Variants in COL6A6 observed in about 807,000 individuals in gnomAD.
COL6A6 encodes the protein collagen type VI alpha 6 chain.
COL6A6 carries 183 observed loss-of-function variants against 208.6 expected under a neutral mutation model. That is an observed-to-expected ratio of 0.88 (90% CI 0.78 to 0.99). COL6A6 has a LOEUF of 0.99. Among genes scored for constraint, COL6A6 ranks in the 50% least tolerant of loss-of-function variants. The pLI is 0.00. For missense variants in COL6A6, 2,816 were observed against 2,815.2 expected, an observed-to-expected ratio of 1.00 and a Z score of -0.01; for synonymous variants, 973 against 1,011.8, an observed-to-expected ratio of 0.96 and a Z score of 0.73.
intron 3 of COL6A6, among the ~76,000 whole-genome samples, chr3:130,563,959 G>A (rs2062956763): frequency 6.6e-6 from 1 of 152,072 alleles, no homozygotes; most frequent in Non-Finnish European, 1.5e-5. Flanking sequence ...TATTTCCCTG[G>A]GCTTTAGTTG....
At position 130,581,541 on chromosome 3, in the gene COL6A6, G is replaced by A. The variant is rs769514387; in HGVS notation, c.3548-20G>A. 9 of 1,548,566 alleles carry A rather than the reference G, an allele frequency of 5.8e-6. No individual in the cohort carries two copies. In the South Asian group the frequency reaches 9.8e-5, roughly 17 times the overall value. ...GGCGTTTGTTGATTTATTAAGACAT[G>A]CTTTTCCTTTGAATCCTAGACTGTT... On this transcript the variant is annotated intron_variant, in intron 8 of 36. Coordinates refer to ENST00000358511, the MANE Select transcript of COL6A6 (RefSeq NM_001102608.3).
intron 13 of COL6A6, among the ~76,000 whole-genome samples, chr3:130,592,132 G>A (rs1027635137): frequency 6.6e-6 from 1 of 152,126 alleles, no homozygotes; most frequent in East Asian, 1.9e-4. Context: ...AAGCACAGGG[G>A]TCAAAATTAT....
intron 2 of COL6A6, among the ~76,000 whole-genome samples, chr3:130,561,241 AGTCACTGGTG>A (rs1205806772): frequency 2.0e-5 from 3 of 152,242 alleles, no homozygotes; most frequent in Admixed American, 6.5e-5. Flanking sequence ...ATGAATAGAA[AGTCACTGGTG>A]GTCACAAATC....
intron 10 of COL6A6, among the ~76,000 whole-genome samples, chr3:130,584,277 T>G (rs963179262): frequency 6.6e-6 from 1 of 152,208 alleles, no homozygotes; most frequent in Admixed American, 6.5e-5. Flanking sequence ...CTGGTTCTTA[T>G]GACTCTTAAA....
intron 18 of COL6A6, 169 bp downstream of exon 18, chr3:130,594,512 G>C: frequency 3.6e-6 from 2 of 553,310 alleles, no homozygotes; most frequent in Non-Finnish European, 3.2e-6. Context: ...TTCATATACT[G>C]AATGAGTATG....
chr3:130,582,188 C>T (rs1044504629), intron 10 of COL6A6, 120 bp downstream of exon 10: 32 of 654,192 alleles, frequency 4.9e-5, no homozygotes, highest in South Asian at 3.2e-4. Context: ...TGACAATCTC[C>T]GTATTCTGTA....
In COL6A6 at chr3:130,665,994, G is replaced by A. The variant is rs547549302; in HGVS notation, c.6596+898G>A. On this transcript the variant is annotated intron_variant, in intron 36 of 36. Coordinates refer to ENST00000358511, the MANE Select transcript of COL6A6 (RefSeq NM_001102608.3). ...GGTGCACAACGTCACCTAAATGAGCGTCTTGGTGGACCTCAGATAGGATGT... is the reference window on the plus strand; with the variant it reads ...GGTGCACAACGTCACCTAAATGAGCATCTTGGTGGACCTCAGATAGGATGT... 9.2e-5 allele frequency among the ~76,000 whole-genome samples: 14 copies of A among 152,282 alleles called. No individual in the cohort carries two copies. In the South Asian group the frequency reaches 2.1e-3, roughly 23 times the overall value.
intron 11 of COL6A6, among the ~76,000 whole-genome samples, chr3:130,587,427 A>G (rs1228953380): frequency 1.3e-5 from 2 of 152,182 alleles, no homozygotes; most frequent in Non-Finnish European, 2.9e-5. Context: ...ATGCCCGGCT[A>G]ATTTTTGTAT....
chr3:130,607,004 A>G (rs190805673), intron 21 of COL6A6, 38 bp downstream of exon 21: 13 of 1,505,346 alleles, frequency 8.6e-6, no homozygotes, highest in African/African-American at 6.9e-5. Flanking sequence ...AATAACAAAT[A>G]CTGCATCCAA....
Position 130,563,564 on chromosome 3 carries a change from G to A in COL6A6, c.561G>A (p.Arg187=). 2 of 1,613,954 alleles carry A rather than the reference G, an allele frequency of 1.2e-6. No homozygotes were observed. Among genetic ancestry groups the A allele is most frequent in the African/African-American group, 1.3e-5 (1 of 75,008 alleles). The change falls in exon 3 of 37, where the codon CGG becomes CGA. Residue 187 remains arginine, a synonymous_variant. Transcript: ENST00000358511. ...MATSQFHFNL[R]TVRDLSMFSQ... is the part of the protein sequence containing the mutation. ...CGTCTCAGTTTCATTTCAACCTTCG[G>A]ACAGTCAGAGACCTCAGCATGTTTT...
At chr3:130,596,131 CAG>C (rs149521878) in intron 18 of COL6A6, among the ~76,000 whole-genome samples, 4,721 of 152,192 alleles carry the variant, frequency 0.031, 209 homozygotes, top group African/African-American at 0.096. Flanking sequence ...TATTTAAAAA[CAG>C]AGGAATTTGC....
Position 130,589,109 on chromosome 3 carries a change from C to CATTGCTGAAAGGTCA in COL6A6, c.4147_4148insTGCTGAAAGGTCAAT (p.Thr1382_Cys1383insLeuLeuLysGlyGln). 1 of 1,613,782 alleles carries CATTGCTGAAAGGTCA rather than the reference C, an allele frequency of 6.2e-7. No individual in the cohort carries two copies. Among genetic ancestry groups the CATTGCTGAAAGGTCA allele is most frequent in the Non-Finnish European group, 8.5e-7 (1 of 1,179,754 alleles). ...CCCAAGGTCAATGTTGCTGAAAGGA[C>CATTGCTGAAAGGTCA]ATGCTGCTGTTTGTTCTGCAAGTGC... On this transcript the variant is annotated inframe_insertion, in exon 12 of 37. Transcript: ENST00000358511.
chr3:130,653,177 G>T (rs2108422383), intron 33 of COL6A6, among the ~76,000 whole-genome samples: 2 of 152,262 alleles, frequency 1.3e-5, no homozygotes, highest in South Asian at 4.1e-4. Context: ...TTGACGTGCT[G>T]CACATTGAGG....
At chr3:130,547,083 C>T (rs934214694) in intron 1 of COL6A6, among the ~76,000 whole-genome samples, 2 of 152,252 alleles carry the variant, frequency 1.3e-5, no homozygotes, top group Non-Finnish European at 2.9e-5. Context: ...AGCCCTTGGG[C>T]GGTTGATGCG....
chr3:130,639,469 G>A (rs9821794), intron 28 of COL6A6, among the ~76,000 whole-genome samples: 55,782 of 152,032 alleles, frequency 0.37, 13,387 homozygotes, highest in African/African-American at 0.66. Context: ...TAAGCAGGCA[G>A]ATTGCTTCAG....
intron 1 of COL6A6, among the ~76,000 whole-genome samples, chr3:130,547,896 C>T (rs879495830): frequency 2.0e-5 from 3 of 152,214 alleles, no homozygotes; most frequent in Non-Finnish European, 2.9e-5. Flanking sequence ...CTCCCGGGTT[C>T]AAGTGATTCT....
At position 130,642,732 on chromosome 3, in the gene COL6A6, C is replaced by T. The variant is rs147065494; in HGVS notation, c.5155-100C>T. On this transcript the variant is annotated intron_variant, in intron 29 of 36. Transcript: ENST00000358511. ...CTCTTACAATTTAATGAGAATAAAA[C>T]TTTTAAAAGTTATCACTTTCTGAGG... 8.4e-5 allele frequency: 89 copies of T among 1,055,188 alleles called. No homozygotes were observed. The African/African-American group carries it at 1.2e-3, about 14-fold the overall frequency. The allele number at this position is 1,055,188 out of a possible 1,614,324, so 65.4% of individuals were successfully genotyped here. A position where few individuals can be genotyped will look rare whatever the true frequency, so the allele number is the denominator to read the frequency against.
rs1293156501 is a variant in COL6A6, at chr3:130,591,081, A to G, written c.4259A>G (p.Glu1420Gly). 1.9e-6 allele frequency: 3 copies of G among 1,583,634 alleles called. No homozygotes were observed. In the South Asian group the frequency reaches 3.5e-5, roughly 18 times the overall value. Residue 1420 changes from glutamate to glycine, a missense_variant, in exon 13 of 37, where the codon GAG becomes GGG. Physicochemically the swap from Glu to Gly is moderately conservative, Grantham distance 98 (BLOSUM62 -2). Transcript: ENST00000358511. ...GFKGSEGYLG[E>G]EGIAGERGAP... Reference sequence around the variant, plus strand: ...AAAGGCAGTGAAGGCTACCTGGGAGAGGAGGGAATCGCTGTAAGTCAGGGC... The same window carrying G: ...AAAGGCAGTGAAGGCTACCTGGGAGGGGAGGGAATCGCTGTAAGTCAGGGC...
chr3:130,634,235 AAATAAAT>A (rs2065036614), intron 26 of COL6A6, among the ~76,000 whole-genome samples: 2 of 58,278 alleles, frequency 3.4e-5, no homozygotes, highest in Non-Finnish European at 5.0e-5. Flanking sequence ...ATAAATAAAT[AAATAAAT>A]AAAAAAAAAA....
Sources: allele counts gnomAD v4.1 joint callset (sites outside exome capture counted in the v4.1 genomes callset), GRCh38; gene constraint gnomAD v4.1.1; transcripts MANE v1.5; gene names NCBI Gene and HGNC (gene_info 2026-07-23, HGNC 2026-07-21).